Variants in SUZ12 observed in about 807,000 individuals in gnomAD.
The protein encoded by SUZ12 is polycomb protein SUZ12.
SUZ12 carries 17 observed loss-of-function variants against 87.3 expected under a neutral mutation model. The ratio of observed to expected loss-of-function variants is 0.19; its 90% CI spans 0.13 to 0.29. SUZ12 has a LOEUF of 0.29. Ranked by LOEUF, SUZ12 falls within the 10% of genes least tolerant of loss-of-function variation. SUZ12 has a pLI of 1.00. For synonymous variants in SUZ12, 253 were observed against 312.4 expected (o/e 0.81, Z 2.01); for missense variants, 526 against 912.2 (o/e 0.58, Z 5.45).
intron 8 of SUZ12, among the ~76,000 whole-genome samples, chr17:31,979,309 T>C (rs1433914998): frequency 4.6e-5 from 7 of 152,176 alleles, no homozygotes; most frequent in Non-Finnish European, 8.8e-5. Flanking sequence ...CTCTCTTGCA[T>C]GTATCTCCTA....
At chr17:31,973,358 G>T (rs929063536) in intron 6 of SUZ12, 127 bp downstream of exon 6, 2 of 731,022 alleles carry the variant, frequency 2.7e-6, no homozygotes, top group African/African-American at 3.7e-5. Flanking sequence ...TGTGTTGATG[G>T]CCTAATTATA....
intron 9 of SUZ12, 105 bp downstream of exon 9, chr17:31,983,209 G>A: frequency 1.0e-6 from 1 of 999,360 alleles, no homozygotes; most frequent in Non-Finnish European, 1.4e-6. Flanking sequence ...AGAGTCCTTT[G>A]TTTTTTATAC....
chr17:31,959,124 T>A (rs938551018), intron 4 of SUZ12, among the ~76,000 whole-genome samples: 24 of 152,208 alleles, frequency 1.6e-4, no homozygotes, highest in African/African-American at 5.8e-4. Flanking sequence ...TTTAATACAC[T>A]TTGCCTTGAC....
chr17:31,975,711 T>A lies in SUZ12; in HGVS notation c.821T>A (p.Ile274Asn). 6.2e-7 allele frequency: 1 copy of A among 1,602,588 alleles called. No individual in the cohort carries two copies. The highest frequency in any genetic ancestry group is 8.5e-7 in the Non-Finnish European group (1 of 1,175,914). ...GMINGETNEN[I>N]DVNEELPARR... Reference sequence around the variant, plus strand: ...ATTAATGGAGAAACCAATGAAAATATTGGTAATTTTTTTTTTTACTAGATT... The same window carrying A: ...ATTAATGGAGAAACCAATGAAAATAATGGTAATTTTTTTTTTTACTAGATT... The change falls in exon 7 of 16, where the codon ATT (isoleucine) becomes AAT (asparagine). Residue 274 changes from isoleucine to asparagine, a missense_variant and splice_region_variant. By Grantham distance (149) the Ile-to-Asn change is moderately radical. Coordinates refer to ENST00000322652, the MANE Select transcript of SUZ12 (RefSeq NM_015355.4).
chr17:31,952,097 T>G (rs1467309000), intron 4 of SUZ12, among the ~76,000 whole-genome samples: 2 of 152,116 alleles, frequency 1.3e-5, no homozygotes, highest in Non-Finnish European at 2.9e-5. Context: ...AGACAGGGTC[T>G]TGCTCTGTTG....
chr17:31,941,572 C>T (rs1009984645), intron 3 of SUZ12, among the ~76,000 whole-genome samples: 4 of 137,228 alleles, frequency 2.9e-5, no homozygotes, highest in Non-Finnish European at 6.2e-5. Context: ...TTTTTTGAAA[C>T]GGAGTCTCGC....
intron 5 of SUZ12, among the ~76,000 whole-genome samples, chr17:31,972,339 ATATGTGTATATATATATATGTGTATG>A (rs1908485156): frequency 6.8e-6 from 1 of 147,508 alleles, no homozygotes; most frequent in Non-Finnish European, 1.5e-5. Flanking sequence ...ATGTGTATAT[ATATGTGTATATATATATATGTGTATG>A]TATGTGTGTT....
At position 31,976,521 on chromosome 17, in the gene SUZ12, A is replaced by G. The variant is rs1357865408; in HGVS notation, c.824A>G (p.Asp275Gly). 1.9e-6 allele frequency: 3 copies of G among 1,611,124 alleles called. No homozygotes were observed. Among genetic ancestry groups the G allele is most frequent in the Non-Finnish European group, 2.5e-6 (3 of 1,178,138 alleles). Residue 275 changes from aspartate to glycine, a missense_variant and splice_region_variant, in exon 8 of 16, where the codon GAT becomes GGT. Physicochemically the swap from Asp to Gly is moderately conservative, Grantham distance 94. Transcript: ENST00000322652. ...MINGETNENI[D>G]VNEELPARRK... ...TATGAGAAATGTTTGTTAAATTTAG[A>G]TGTCAATGAAGAGCTTCCAGCCAGA... is the stretch of plus-strand genomic sequence containing the variant.
rs544422024 is a variant in SUZ12 at position 31,995,498 on chromosome 17, C to T, written c.1596-66C>T. 9.1e-6 allele frequency: 12 copies of T among 1,314,024 alleles called. No individual in the cohort carries two copies. In the African/African-American group the frequency reaches 1.2e-4, roughly 13 times the overall value. The allele number at this position is 1,314,024 out of a possible 1,614,324, so 81.4% of individuals were successfully genotyped here. ...TTGCAGATTATCACAGATCTCAACT[C>T]CTAGTCGTGAGGTTAGATGGTATAC... On this transcript the variant is annotated intron_variant, in intron 13 of 15. Transcript: ENST00000322652.
At chr17:31,938,812 C>T (rs1051706383) in intron 1 of SUZ12, among the ~76,000 whole-genome samples, 4 of 152,156 alleles carry the variant, frequency 2.6e-5, no homozygotes, top group Non-Finnish European at 2.9e-5. Context: ...TAAGACACAT[C>T]CTCCAAGAAA....
Position 32,000,212 on chromosome 17 carries a change from A to C in SUZ12, c.*1209A>C, listed in dbSNP as rs1910188326. ...AAGATATTGCATTTTCATATTCTTT[A>C]TTTATAAAGGATCAATGCTGCTGTA... On this transcript the variant is annotated 3_prime_UTR_variant, in exon 16 of 16. Transcript: ENST00000322652. 1 of 233,254 alleles carries C rather than the reference A, an allele frequency of 4.3e-6. No homozygotes were observed. The highest frequency in any genetic ancestry group is 6.1e-5 in the East Asian group (1 of 16,450). 14.4% of individuals were successfully genotyped at this position (233,254 alleles called of 1,614,324 possible).
chr17:31,946,782 A>T (rs1366126772), intron 3 of SUZ12, among the ~76,000 whole-genome samples: 1 of 152,194 alleles, frequency 6.6e-6, no homozygotes, highest in Non-Finnish European at 1.5e-5. Flanking sequence ...CACCTTAAGA[A>T]CTAAGATGAG....
At chr17:31,977,879 A>G (rs1783853571) in intron 8 of SUZ12, among the ~76,000 whole-genome samples, 1 of 152,076 alleles carries the variant, frequency 6.6e-6, no homozygotes, top group Admixed American at 6.6e-5. Context: ...ACAGAGCAAG[A>G]CTCTTGTCTT....
chr17:31,966,165 G>A lies in SUZ12; in HGVS notation c.474G>A (p.Gln158=). The A allele has an allele frequency of 1.3e-6, 2 of 1,592,566 alleles. No individual in the cohort carries two copies. The highest frequency in any genetic ancestry group is 1.4e-5 in the African/African-American group (1 of 73,140). Residue 158 remains glutamine, a synonymous_variant, in exon 5 of 16, where the codon CAG becomes CAA. Coordinates refer to ENST00000322652, the MANE Select transcript of SUZ12 (RefSeq NM_015355.4). ...TTTTTAGCTTGTCAGCTCATTTGCA[G>A]CTTACGTTTACTGGTTTCTTCCACA... The part of the protein sequence containing the change: ...QESHSLSAHL[Q]LTFTGFFHKN...
At chr17:31,980,519 A>G (rs1371744391) in intron 8 of SUZ12, among the ~76,000 whole-genome samples, 4 of 130,746 alleles carry the variant, frequency 3.1e-5, no homozygotes, top group Admixed American at 2.0e-4. Context: ...GCACCATCTC[A>G]GCTCACCGCT....
At chr17:31,942,088 A>G (rs764842078) in intron 3 of SUZ12, among the ~76,000 whole-genome samples, 5 of 152,054 alleles carry the variant, frequency 3.3e-5, no homozygotes, top group Non-Finnish European at 5.9e-5. Context: ...TCCTGACTTC[A>G]AGATCTTCCC....
intron 8 of SUZ12, among the ~76,000 whole-genome samples, chr17:31,977,902 AAAG>A (rs1908855932): frequency 6.6e-6 from 1 of 152,196 alleles, no homozygotes; most frequent in African/African-American, 2.4e-5. Flanking sequence ...AAAGAAAAGA[AAAG>A]AAAATCATGT....
chr17:31,942,200 A>G (rs1471217526), intron 3 of SUZ12, among the ~76,000 whole-genome samples: 1 of 151,994 alleles, frequency 6.6e-6, no homozygotes, highest in Non-Finnish European at 1.5e-5. Flanking sequence ...TTAAATATTT[A>G]CTAAAGGGCT....
intron 8 of SUZ12, among the ~76,000 whole-genome samples, chr17:31,979,103 CAAAAAAAA>C (rs61307349): frequency 1.1e-4 from 7 of 65,252 alleles, no homozygotes; most frequent in South Asian, 7.5e-4. Flanking sequence ...ACTGTGTCTC[CAAAAAAAA>C]AAAAAAAAAA....
Sources: allele counts gnomAD v4.1 joint callset (sites outside exome capture counted in the v4.1 genomes callset), GRCh38; gene constraint gnomAD v4.1.1; transcripts MANE v1.5; gene names NCBI Gene and HGNC (gene_info 2026-07-23, HGNC 2026-07-21).